Variants in KALRN observed in about 807,000 individuals in gnomAD.
The protein encoded by KALRN is kalirin RhoGEF kinase.
KALRN carries 70 observed loss-of-function variants against 353.7 expected under a neutral mutation model. The observed-to-expected ratio is 0.20, with a 90% CI of 0.16 to 0.24. The LOEUF (loss-of-function observed/expected upper bound fraction) is 0.24, where lower values mean the gene tolerates loss of function less well. Among genes scored for constraint, KALRN ranks in the 10% least tolerant of loss-of-function variants. KALRN has a pLI of 1.00. For synonymous variants in KALRN, 1,391 were observed against 1,434.8 expected (o/e 0.97, Z 0.69); for missense variants, 2,791 against 3,756.7 (o/e 0.74, Z 6.72).
At chr3:124,455,005 G>T (rs919469460) in intron 21 of KALRN, 172 bp from the exon 22 acceptor site, 1 of 626,660 alleles carries the variant, frequency 1.6e-6, no homozygotes, top group Admixed American at 3.0e-5. Flanking sequence ...GGCACAGAGG[G>T]TTTCAATAAC....
chr3:124,705,593 T>G (rs1352563632), intron 57 of KALRN, among the ~76,000 whole-genome samples: 1 of 152,064 alleles, frequency 6.6e-6, no homozygotes, highest in African/African-American at 2.4e-5. Context: ...TGGCTGAAAT[T>G]TTTTGAGAAG....
rs115945547 is a variant in KALRN, at chr3:124,646,224, C to T, written c.5665-4584C>T. ...TATTTAATAAATTCTTGGAGTCCTC[C>T]TGTACACCAGGCTTTGGAATCAAGC... is the stretch of plus-strand genomic sequence containing the variant. On this transcript the variant is annotated intron_variant, in intron 37 of 59. Coordinates refer to ENST00000682506, the MANE Select transcript of KALRN (RefSeq NM_001388419.1). Among the ~76,000 whole-genome samples, 1,441 of 152,062 alleles carry T rather than the reference C, an allele frequency of 9.5e-3. 25 individuals are homozygous for T. The highest frequency in any genetic ancestry group is 0.033 in the African/African-American group (1,383 of 41,488).
At chr3:124,220,414 G>GTA (rs2077764644) in intron 1 of KALRN, among the ~76,000 whole-genome samples, 1 of 152,066 alleles carries the variant, frequency 6.6e-6, no homozygotes, top group South Asian at 2.1e-4. Flanking sequence ...GTGTGTGTGT[G>GTA]TGTATCTTTC....
intron 27 of KALRN, among the ~76,000 whole-genome samples, chr3:124,480,538 A>G (rs1372689785): frequency 1.3e-5 from 2 of 152,178 alleles, no homozygotes; most frequent in Admixed American, 6.5e-5. Flanking sequence ...TAACAGCTTT[A>G]TTGAGAGATG....
chr3:124,374,476 T>C (rs2149823545), intron 10 of KALRN: 2 of 152,326 alleles, frequency 1.3e-5, no homozygotes, highest in East Asian at 3.9e-4. Flanking sequence ...GAGATATATG[T>C]GACCAAAACA....
rs1019975908 is a variant in KALRN at position 124,033,670 on chromosome 3, C to T, written c.-71C>T. On this transcript the variant is annotated 5_prime_UTR_variant, in exon 1 of 60. Coordinates refer to ENST00000682506, the MANE Select transcript of KALRN (RefSeq NM_001388419.1). The surrounding 1 kb of genome is among the most constrained non-coding windows in gnomAD (Gnocchi z 6.2). ...AGCTGCGCCCCGCGCCCTCCGCCCA[C>T]CGGGCGCCGAGCAGCCCTCGGCCCC... 4.6e-5 allele frequency among the ~76,000 whole-genome samples: 7 copies of T among 151,652 alleles called. No individual in the cohort carries two copies. Among genetic ancestry groups the T allele is most frequent in the African/African-American group, 1.7e-4 (7 of 41,338 alleles).
chr3:124,432,087 A>G (rs2093299836), intron 16 of KALRN, among the ~76,000 whole-genome samples: 1 of 152,160 alleles, frequency 6.6e-6, no homozygotes, highest in Non-Finnish European at 1.5e-5. Context: ...TGTATTCACT[A>G]TAAAGAAAAA....
chr3:124,593,396 C>G (rs34571534), intron 34 of KALRN, among the ~76,000 whole-genome samples: 23,423 of 152,120 alleles, frequency 0.15, 1,950 homozygotes, highest in Middle Eastern at 0.19. Flanking sequence ...CACCCTGCCC[C>G]GCCTCACCCC....
In KALRN at chr3:124,268,955, G is replaced by T; in HGVS notation, c.669G>T (p.Glu223Asp). ...GGAAGGAGTTTCCTGTGGATGTGGA[G>T]GGCTCTCGGCGGCTCATTGACGAAC... ...LARKEFPVDVEGSRRLIDEHT... is the reference protein window; with the variant it reads ...LARKEFPVDVDGSRRLIDEHT... The change falls in exon 5 of 60, where the codon GAG becomes GAT. Residue 223 changes from glutamate to aspartate, a missense_variant. This residue lies in a region of KALRN where 366 missense variants were observed against 489.2 expected (regional missense o/e 0.75). Coordinates refer to ENST00000682506, the MANE Select transcript of KALRN (RefSeq NM_001388419.1). 1 of 1,614,182 alleles carries T rather than the reference G, an allele frequency of 6.2e-7. No homozygotes were observed. Among genetic ancestry groups the T allele is most frequent in the Non-Finnish European group, 8.5e-7 (1 of 1,180,022 alleles).
chr3:124,637,562 C>A (rs978282410), intron 37 of KALRN, among the ~76,000 whole-genome samples: 4 of 152,214 alleles, frequency 2.6e-5, no homozygotes, highest in African/African-American at 7.2e-5. Flanking sequence ...CACCTCATTG[C>A]AAGCCTGATC....
At chr3:124,312,893 T>C (rs941597339) in intron 6 of KALRN, among the ~76,000 whole-genome samples, 5 of 152,260 alleles carry the variant, frequency 3.3e-5, no homozygotes, top group African/African-American at 1.2e-4. Context: ...TCTGCAGAAA[T>C]TATAACAATG....
chr3:124,089,787 G>C (rs2061011746), intron 1 of KALRN, among the ~76,000 whole-genome samples: 2 of 152,048 alleles, frequency 1.3e-5, no homozygotes, highest in African/African-American at 4.8e-5. Context: ...GACTTCATCA[G>C]GATGGCCTCA....
At chr3:124,664,505 G>T (rs2085371541) in intron 45 of KALRN, among the ~76,000 whole-genome samples, 2 of 151,886 alleles carry the variant, frequency 1.3e-5, no homozygotes, top group South Asian at 4.2e-4. Context: ...CCGCCTCCTG[G>T]GTTCAGGCGA....
In KALRN at chr3:124,218,238, T is replaced by A. The variant is rs1041207104; in HGVS notation, c.74-9752T>A. Among the ~76,000 whole-genome samples the A allele has an allele frequency of 2.0e-5, 3 of 152,262 alleles. No individual in the cohort carries two copies. In the East Asian group the frequency reaches 5.8e-4, roughly 29 times the overall value. On this transcript the variant is annotated intron_variant, in intron 1 of 59. Transcript: ENST00000682506. Reference sequence around the variant, plus strand: ...CCAAACTGACTTTTCAAGTCAGCAATTTCATGTTTAACTAGTCTTTATGCC... The same window carrying A: ...CCAAACTGACTTTTCAAGTCAGCAAATTCATGTTTAACTAGTCTTTATGCC...
intron 33 of KALRN, among the ~76,000 whole-genome samples, chr3:124,561,627 G>A (rs978917304): frequency 2.0e-5 from 3 of 152,204 alleles, no homozygotes; most frequent in Non-Finnish European, 4.4e-5. Context: ...TTGGACAAGT[G>A]CACTAATATG....
chr3:124,101,826 G>C (rs1031755328), intron 1 of KALRN, among the ~76,000 whole-genome samples: 1 of 152,042 alleles, frequency 6.6e-6, no homozygotes, highest in Non-Finnish European at 1.5e-5. Flanking sequence ...TCTGTGCTTA[G>C]GCCATCTGCT....
At chr3:124,620,081 A>G (rs1393968678) in intron 34 of KALRN, among the ~76,000 whole-genome samples, 5 of 151,308 alleles carry the variant, frequency 3.3e-5, no homozygotes, top group Non-Finnish European at 7.4e-5. Flanking sequence ...TTCAGCGGCT[A>G]TGGTTTTTGT....
intron 21 of KALRN, among the ~76,000 whole-genome samples, chr3:124,448,118 G>T (rs555540): frequency 0.3 from 46,279 of 152,034 alleles, 7,315 homozygotes; most frequent in South Asian, 0.35. Flanking sequence ...TACCCAGAAC[G>T]TCATAGGATC....
intron 55 of KALRN, among the ~76,000 whole-genome samples, chr3:124,698,096 A>G (rs1163199993): frequency 6.6e-6 from 1 of 152,106 alleles, no homozygotes; most frequent in Non-Finnish European, 1.5e-5. Context: ...CAGCCTCCTG[A>G]GTAGCTGGGA....
Sources: gnomAD v4.1 joint callset for allele counts (sites outside exome capture counted in the v4.1 genomes callset) on GRCh38, gnomAD v4.1.1 for gene constraint, gnomAD v4.1.1 regional missense constraint, Gnocchi (gnomAD v3.1) non-coding constraint, MANE v1.5 for transcripts, NCBI Gene and HGNC (gene_info 2026-07-23, HGNC 2026-07-21) for gene names.